TRIM67: variants seen among roughly 807,000 people sequenced by gnomAD.
TRIM67 encodes the protein tripartite motif containing 67, also known as tripartite motif-containing protein 67.
A neutral mutation model predicts 71.0 loss-of-function variants in TRIM67; 39 were observed. The observed-to-expected ratio is 0.55, with a 90% CI of 0.43 to 0.72. The LOEUF (loss-of-function observed/expected upper bound fraction) is 0.72. TRIM67 is among the 30% of genes least tolerant of loss of function. TRIM67 has a pLI of 0.00. For synonymous variants in TRIM67, 481 were observed against 473.9 expected (o/e 1.01, Z -0.19); for missense variants, 973 against 1,079.2 (o/e 0.90, Z 1.38).
chr1:231,163,455 C>T lies in TRIM67; in HGVS notation c.486C>T (p.Cys162=). ...CGAGCTCCATCACGTGCCCGCAGTG[C>T]CACCGCAGCGCATCCCTGGACCACC... ...SSSSSITCPQ[C]HRSASLDHRG... Residue 162 remains cysteine (C), a synonymous_variant, in exon 1 of 10, where the codon TGC becomes TGT. Transcript: ENST00000366653. The T allele has an allele frequency of 3.2e-6, 5 of 1,539,618 alleles. No individual in the cohort carries two copies. The highest frequency in any genetic ancestry group is 2.5e-5 in the East Asian group (1 of 40,266).
At chr1:231,197,600 C>A in intron 2 of TRIM67, 134 bp downstream of exon 2, 2 of 682,522 alleles carry the variant, frequency 2.9e-6, no homozygotes, top group South Asian at 3.8e-5. Context: ...CCGAGGCGGG[C>A]AGATCACCTG....
At position 231,163,975 on chromosome 1, in the gene TRIM67, G is replaced by A. The variant is rs767432796; in HGVS notation, c.1006G>A (p.Glu336Lys). ...CLEEGRHAKH[E>K]VKPLGAMWKQ... is the part of the protein sequence containing the mutation. ...GGAGGAGGGCCGGCACGCCAAGCAC[G>A]AGGTGAAGCCGCTGGGGGCCATGTG... The change falls in exon 1 of 10, where the codon GAG becomes AAG. Residue 336 changes from glutamate (E) to lysine (K), a missense_variant. Coordinates refer to ENST00000366653, the MANE Select transcript of TRIM67 (RefSeq NM_001004342.5). 1.9e-6 allele frequency: 3 copies of A among 1,581,214 alleles called. No individual in the cohort carries two copies. The African/African-American group carries it at 4.0e-5, about 21-fold the overall frequency.
At chr1:231,174,144 CTTA>C (rs1260757970) in intron 1 of TRIM67, among the ~76,000 whole-genome samples, 2 of 133,180 alleles carry the variant, frequency 1.5e-5, no homozygotes, top group Non-Finnish European at 3.2e-5. Flanking sequence ...TTTCTTTTGT[CTTA>C]TTTTCTTTTT....
chr1:231,203,656 G>C (rs1683613671), intron 5 of TRIM67, among the ~76,000 whole-genome samples: 1 of 152,212 alleles, frequency 6.6e-6, no homozygotes, highest in African/African-American at 2.4e-5. Flanking sequence ...CCCTAGGTTT[G>C]AGAAGTGCAG....
intron 1 of TRIM67, among the ~76,000 whole-genome samples, chr1:231,173,358 G>T (rs1288268413): frequency 6.6e-6 from 1 of 152,182 alleles, no homozygotes; most frequent in Non-Finnish European, 1.5e-5. Flanking sequence ...ACCAGCCAGG[G>T]TAACATAACG....
chr1:231,185,791 C>T (rs1295445137), intron 1 of TRIM67, among the ~76,000 whole-genome samples: 4 of 151,804 alleles, frequency 2.6e-5, no homozygotes, highest in East Asian at 3.9e-4. Flanking sequence ...CAGATGATGG[C>T]GAGGGCCACA....
intron 8 of TRIM67, among the ~76,000 whole-genome samples, chr1:231,213,454 C>T (rs914648048): frequency 9.2e-5 from 14 of 152,172 alleles, no homozygotes; most frequent in Admixed American, 5.9e-4. Context: ...TGGCCGGGTA[C>T]AGTGGCTCAT....
chr1:231,220,336 T>C lies in TRIM67; in HGVS notation c.*4896T>C, dbSNP rs7556035. ...CCATTCCCGGCGAGGCCTGTTTGAA[T>C]GGCGCTCTGTGTGAGTGCTATGAAC... On this transcript the variant is annotated 3_prime_UTR_variant, in exon 10 of 10. Transcript: ENST00000366653. 0.038 allele frequency: 7,547 copies of C among 197,690 alleles called. 194 individuals carry two copies. Among genetic ancestry groups the C allele is most frequent in the African/African-American group, 0.051 (2,163 of 42,802 alleles). 12.2% of individuals were successfully genotyped at this position (197,690 alleles called of 1,614,324 possible). A position where few individuals can be genotyped will look rare whatever the true frequency, so the allele number is the denominator to read the frequency against.
chr1:231,204,354 C>T (rs964964690), intron 6 of TRIM67, among the ~76,000 whole-genome samples: 23 of 152,180 alleles, frequency 1.5e-4, no homozygotes, highest in African/African-American at 5.5e-4. Context: ...TTATTTCACC[C>T]GGCTCTGTCT....
chr1:231,188,220 T>C (rs1490065779), intron 1 of TRIM67, among the ~76,000 whole-genome samples: 1 of 151,876 alleles, frequency 6.6e-6, no homozygotes, highest in Non-Finnish European at 1.5e-5. Context: ...CAGGAGGAGG[T>C]GGTGGTCAGT....
At chr1:231,207,712 G>C (rs1282307031) in intron 7 of TRIM67, among the ~76,000 whole-genome samples, 1 of 152,178 alleles carries the variant, frequency 6.6e-6, no homozygotes, top group African/African-American at 2.4e-5. Flanking sequence ...TTCTGAAAAT[G>C]ATGCCACCTG....
At chr1:231,187,719 G>T in intron 1 of TRIM67, 1 of 684,092 alleles carries the variant, frequency 1.5e-6, no homozygotes, top group Non-Finnish European at 2.4e-6. Context: ...AAGGCGGGCA[G>T]AAGGAAGCCA....
Position 231,163,228 on chromosome 1 carries a change from G to C in TRIM67, c.259G>C (p.Gly87Arg). The change falls in exon 1 of 10, where the codon GGC (glycine) becomes CGC (arginine). Residue 87 changes from glycine (G) to arginine (R), a missense_variant. Coordinates refer to ENST00000366653, the MANE Select transcript of TRIM67 (RefSeq NM_001004342.5). Reference sequence around the variant, plus strand: ...CGGTGCAGGCGGGAGTGCAGCTGGCGGCCTCGGCGGCGGTGCGGGAGGTGG... The same window carrying C: ...CGGTGCAGGCGGGAGTGCAGCTGGCCGCCTCGGCGGCGGTGCGGGAGGTGG... ...CGGAGGSAAG[G>R]LGGGAGGGGD... 1.3e-6 allele frequency: 2 copies of C among 1,495,568 alleles called. No homozygotes were observed. Among genetic ancestry groups the C allele is most frequent in the Non-Finnish European group, 1.8e-6 (2 of 1,122,722 alleles). The allele number at this position is 1,495,568 out of a possible 1,614,324, so 92.6% of individuals were successfully genotyped here.
At position 231,209,471 on chromosome 1, in the gene TRIM67, G is replaced by A. The variant is rs73116311; in HGVS notation, c.2123+221G>A. Among the ~76,000 whole-genome samples the A allele has an allele frequency of 8.0e-3, 1,219 of 152,320 alleles. 18 individuals are homozygous for A. The highest frequency in any genetic ancestry group is 0.028 in the African/African-American group (1,150 of 41,572). On this transcript the variant is annotated intron_variant, in intron 8 of 9. Transcript: ENST00000366653. This position sits in a 1 kb window ranked among gnomAD's most constrained non-coding sequence, Gnocchi z 4.1. ...TGTTATGGTGACTCTCACAGCACCC[G>A]CACAGATGGGTCTCCCAAGTTACCC...
At chr1:231,200,285 G>C (rs758384833) in intron 4 of TRIM67, 27 bp downstream of exon 4, 69 of 1,487,476 alleles carry the variant, frequency 4.6e-5, no homozygotes, top group Non-Finnish European at 5.5e-5. Context: ...AAGACACAAA[G>C]TGGGCTTCCT....
rs1459109446 is a variant in TRIM67 at position 231,171,331 on chromosome 1, G to A, written c.1044+7318G>A. Among the ~76,000 whole-genome samples the A allele has an allele frequency of 2.6e-5, 4 of 152,220 alleles. No homozygotes were observed. The East Asian group carries it at 5.8e-4, about 22-fold the overall frequency. On this transcript the variant is annotated intron_variant, in intron 1 of 9. Transcript: ENST00000366653. Reference sequence around the variant, plus strand: ...AATCTGTATGAGTCTTCTTGAGTTAGAGCAGAGGGGCCTGAGGAGAAAGAA... The same window carrying A: ...AATCTGTATGAGTCTTCTTGAGTTAAAGCAGAGGGGCCTGAGGAGAAAGAA...
Position 231,217,403 on chromosome 1 carries a change from C to T in TRIM67, c.*1963C>T. 4.1e-6 allele frequency: 4 copies of T among 987,376 alleles called. No individual in the cohort carries two copies. The highest frequency in any genetic ancestry group is 4.8e-6 in the Non-Finnish European group (4 of 831,292). 61.2% of individuals were successfully genotyped at this position (987,376 alleles called of 1,614,324 possible). Reference sequence around the variant, plus strand: ...GGTGGTGACACACAAGACCTGGGACCCTGTGTCCTTGCCCGCACCTCTGCC... The same window carrying T: ...GGTGGTGACACACAAGACCTGGGACTCTGTGTCCTTGCCCGCACCTCTGCC... On this transcript the variant is annotated 3_prime_UTR_variant, in exon 10 of 10. Coordinates refer to ENST00000366653, the MANE Select transcript of TRIM67 (RefSeq NM_001004342.5).
At position 231,217,977 on chromosome 1, in the gene TRIM67, C is replaced by G; in HGVS notation, c.*2537C>G. On this transcript the variant is annotated 3_prime_UTR_variant, in exon 10 of 10. Transcript: ENST00000366653. ...GGCTGGGATTCTCCCTTTTCTGACT[C>G]CTCCAGGAGCCCAGAAGCAATACGG... 8.1e-7 allele frequency: 1 copy of G among 1,232,310 alleles called. No individual in the cohort carries two copies. Among genetic ancestry groups the G allele is most frequent in the Non-Finnish European group, 1.0e-6 (1 of 962,688 alleles). The allele number at this position is 1,232,310 out of a possible 1,614,324, so 76.3% of individuals were successfully genotyped here.
intron 1 of TRIM67, among the ~76,000 whole-genome samples, chr1:231,185,670 C>T (rs1422000042): frequency 1.3e-5 from 2 of 151,880 alleles, no homozygotes; most frequent in African/African-American, 2.4e-5. Context: ...GTTGAGTGCC[C>T]GTTCTGCACA....
Sources: gnomAD v4.1 joint callset for allele counts (sites outside exome capture counted in the v4.1 genomes callset) on GRCh38, gnomAD v4.1.1 for gene constraint, Gnocchi (gnomAD v3.1) non-coding constraint, MANE v1.5 for transcripts, NCBI Gene and HGNC (gene_info 2026-07-23, HGNC 2026-07-21) for gene names.